Variants in BICC1 observed in about 807,000 individuals in gnomAD.
BICC1 encodes BicC family RNA binding protein 1, also known as protein bicaudal C homolog 1.
A neutral mutation model predicts 111.0 loss-of-function variants in BICC1; 43 were observed. The ratio of observed to expected loss-of-function variants is 0.39; its 90% CI spans 0.30 to 0.50. The LOEUF (loss-of-function observed/expected upper bound fraction) is 0.50, where lower values mean the gene tolerates loss of function less well. Among genes scored for constraint, BICC1 ranks in the 20% least tolerant of loss-of-function variants. The pLI, the probability that BICC1 is intolerant of heterozygous loss-of-function variation, is 0.88. For synonymous variants in BICC1, 467 were observed against 434.4 expected, an observed-to-expected ratio of 1.07 and a Z score of -0.93; for missense variants, 1,091 against 1,203.2, an observed-to-expected ratio of 0.91 and a Z score of 1.38.
chr10:58,645,569 A>G (rs1018015359), intron 2 of BICC1, among the ~76,000 whole-genome samples: 2 of 152,142 alleles, frequency 1.3e-5, no homozygotes, highest in Admixed American at 6.5e-5. Flanking sequence ...TTTCCCAAGC[A>G]TCTAACCTGG....
intron 2 of BICC1, among the ~76,000 whole-genome samples, chr10:58,695,689 C>G (rs1195051239): frequency 6.6e-6 from 1 of 152,154 alleles, no homozygotes; most frequent in Non-Finnish European, 1.5e-5. Context: ...TAGAATATTG[C>G]TGGCTTGGCA....
rs1037100852 is a variant in BICC1 at position 58,674,818 on chromosome 10, A to G, written c.238-27256A>G. Among the ~76,000 whole-genome samples the G allele has an allele frequency of 9.9e-5, 15 of 152,208 alleles. 1 individual carries two copies. The highest frequency in any genetic ancestry group is 3.6e-4 in the African/African-American group (15 of 41,456). ...GAAAAAAGGAGGATTGGGTGAGGAT[A>G]GGACAGTGGCTAGTTATAAGTAGGG... On this transcript the variant is annotated intron_variant, in intron 2 of 20. Transcript: ENST00000373886.
At chr10:58,729,150 TCTC>T (rs990333932) in intron 3 of BICC1, among the ~76,000 whole-genome samples, 2 of 152,228 alleles carry the variant, frequency 1.3e-5, no homozygotes, top group African/African-American at 4.8e-5. Context: ...GACACTGACT[TCTC>T]CTTTCTAGCT....
chr10:58,636,732 A>T lies in BICC1; in HGVS notation c.237+15831A>T, dbSNP rs116164356. On this transcript the variant is annotated intron_variant, in intron 2 of 20. Coordinates refer to ENST00000373886, the MANE Select transcript of BICC1 (RefSeq NM_001080512.3). ...GCCATGAGTTCTGGCTTTGAATTCC[A>T]GTACAGTCACCAGCTGTGAAATCTT... Among the ~76,000 whole-genome samples, 818 of 152,332 alleles carry T rather than the reference A, an allele frequency of 5.4e-3. 6 individuals carry two copies. Among genetic ancestry groups the T allele is most frequent in the African/African-American group, 0.019 (771 of 41,574 alleles).
At chr10:58,607,324 A>ATAAATAAATAAATAAATAAATAAATAAG (rs1464417050) in intron 1 of BICC1, among the ~76,000 whole-genome samples, 16 of 151,434 alleles carry the variant, frequency 1.1e-4, no homozygotes, top group Non-Finnish European at 2.2e-4. Context: ...CTCAAAATAA[A>ATAAATAAATAAATAAATAAATAAATAAG]TAAATAAATA....
intron 3 of BICC1, among the ~76,000 whole-genome samples, chr10:58,709,933 CTT>C (rs1357249195): frequency 6.6e-6 from 1 of 152,136 alleles, no homozygotes; most frequent in Non-Finnish European, 1.5e-5. Context: ...TTAAATGAGA[CTT>C]AACAAGACAC....
intron 20 of BICC1, 106 bp downstream of exon 20, chr10:58,820,574 C>T (rs1276114003): frequency 1.3e-6 from 1 of 749,866 alleles, no homozygotes. Flanking sequence ...ACTAACCTAA[C>T]ACCTTGGTTG....
At chr10:58,546,198 C>T (rs1843133764) in intron 1 of BICC1, among the ~76,000 whole-genome samples, 1 of 152,000 alleles carries the variant, frequency 6.6e-6, no homozygotes, top group Non-Finnish European at 1.5e-5. Context: ...TTTCAAATTC[C>T]AGGAGTAACA....
chr10:58,603,963 A>G (rs960309362), intron 1 of BICC1, among the ~76,000 whole-genome samples: 4 of 152,334 alleles, frequency 2.6e-5, no homozygotes, highest in Middle Eastern at 3.4e-3. Flanking sequence ...GGAGTTTTTC[A>G]TAACGGTCTT....
intron 3 of BICC1, among the ~76,000 whole-genome samples, chr10:58,774,228 G>A (rs142061353): frequency 0.012 from 1,860 of 152,290 alleles, 23 homozygotes; most frequent in South Asian, 0.043. Context: ...CAAATAAAAA[G>A]AGATAAAGTT....
At chr10:58,747,669 C>T (rs1330428832) in intron 3 of BICC1, among the ~76,000 whole-genome samples, 3 of 152,020 alleles carry the variant, frequency 2.0e-5, no homozygotes, top group Admixed American at 2.0e-4. Context: ...GGAGTATATA[C>T]CTTAGATAAC....
chr10:58,537,002 A>G (rs1842842342), intron 1 of BICC1, among the ~76,000 whole-genome samples: 1 of 151,820 alleles, frequency 6.6e-6, no homozygotes, highest in South Asian at 2.1e-4. Flanking sequence ...TGAGTCAGGA[A>G]GAAATAGAAA....
chr10:58,580,067 C>T (rs1176463349), intron 1 of BICC1, among the ~76,000 whole-genome samples: 2 of 150,604 alleles, frequency 1.3e-5, no homozygotes, highest in Non-Finnish European at 2.9e-5. Context: ...GCCTGTCATC[C>T]AGGCTGGAAT....
intron 1 of BICC1, among the ~76,000 whole-genome samples, chr10:58,515,236 T>C (rs1483441643): frequency 6.6e-6 from 1 of 152,234 alleles, no homozygotes; most frequent in East Asian, 1.9e-4. Context: ...TTAACATCTC[T>C]TGAACAACCG....
intron 1 of BICC1, among the ~76,000 whole-genome samples, chr10:58,579,576 A>G (rs1275822857): frequency 6.6e-6 from 1 of 152,154 alleles, no homozygotes; most frequent in Non-Finnish European, 1.5e-5. Flanking sequence ...CCTGGCAGAG[A>G]AATTTGGGGC....
chr10:58,701,573 G>A (rs1052027886), intron 2 of BICC1, among the ~76,000 whole-genome samples: 1 of 151,960 alleles, frequency 6.6e-6, no homozygotes, highest in Non-Finnish European at 1.5e-5. Context: ...GCGTTTAGAG[G>A]GTTTTCATCA....
intron 1 of BICC1, among the ~76,000 whole-genome samples, chr10:58,557,760 C>A (rs1293996037): frequency 6.6e-6 from 1 of 151,960 alleles, no homozygotes; most frequent in Non-Finnish European, 1.5e-5. Flanking sequence ...TTTAAATACA[C>A]AGTAACCTTT....
intron 3 of BICC1, among the ~76,000 whole-genome samples, chr10:58,736,153 G>A (rs889005224): frequency 2.0e-5 from 3 of 152,206 alleles, no homozygotes; most frequent in African/African-American, 7.2e-5. Context: ...ATGAAATGGA[G>A]CAAGATGGGG....
At chr10:58,639,797 C>T (rs1367839022) in intron 2 of BICC1, among the ~76,000 whole-genome samples, 2 of 148,338 alleles carry the variant, frequency 1.3e-5, no homozygotes, top group Non-Finnish European at 3.0e-5. Context: ...AATGAAGCCT[C>T]AACCTCCCAG....
Sources: allele counts gnomAD v4.1 joint callset (sites outside exome capture counted in the v4.1 genomes callset), GRCh38; gene constraint gnomAD v4.1.1; transcripts MANE v1.5; gene names NCBI Gene and HGNC (gene_info 2026-07-23, HGNC 2026-07-21).